The following ATP6V1E1 variants were observed in gnomAD, a reference collection of about 807,000 sequenced individuals.
ATP6V1E1 encodes the protein ATPase H+ transporting V1 subunit E1, also known as V-type proton ATPase subunit E 1.
In ATP6V1E1, 21 loss-of-function variants were observed where a neutral mutation model predicts 35.2. The ratio of observed to expected loss-of-function variants is 0.60; its 90% confidence interval spans 0.42 to 0.86. ATP6V1E1 has a LOEUF of 0.86. ATP6V1E1 is among the 40% of genes least tolerant of loss of function. The pLI, the probability that ATP6V1E1 is intolerant of heterozygous loss-of-function variation, is 0.00. For synonymous variants in ATP6V1E1, 83 were observed against 87.8 expected, an observed-to-expected ratio of 0.95 and a Z score of 0.30; for missense variants, 183 against 272.6, an observed-to-expected ratio of 0.67 and a Z score of 2.32.
At chr22:17,594,693 A>T in intron 7 of ATP6V1E1, 77 bp from the exon 8 acceptor site, 2 of 1,235,348 alleles carry the variant, frequency 1.6e-6, no homozygotes, top group Non-Finnish European at 2.2e-6. Context: ...ACTCCCGCAG[A>T]GGAATGCCCT....
In ATP6V1E1 at chr22:17,592,173, CA is replaced by C. The variant is rs1351255962; in HGVS notation, c.*500del. 6.5e-6 allele frequency: 1 copy of C among 154,208 alleles called. No homozygotes were observed. The highest frequency in any genetic ancestry group is 1.4e-5 in the Non-Finnish European group (1 of 69,248). 9.6% of individuals were successfully genotyped at this position (154,208 alleles called of 1,614,324 possible). On this transcript the variant is annotated 3_prime_UTR_variant, in exon 9 of 9. Coordinates refer to ENST00000253413, the MANE Select transcript of ATP6V1E1 (RefSeq NM_001696.4). Reference sequence around the variant, plus strand: ...TACACTAGAAATCACATTAAATCCGCATAACTCTTTTAATAAATAAAGCATA... The same window carrying C: ...TACACTAGAAATCACATTAAATCCGCTAACTCTTTTAATAAATAAAGCATA...
chr22:17,628,733 G>C lies in ATP6V1E1; in HGVS notation c.-98C>G, dbSNP rs11544403. 44 of 1,540,716 alleles carry C rather than the reference G, an allele frequency of 2.9e-5. No individual in the cohort carries two copies. The East Asian group carries it at 9.7e-4, about 34-fold the overall frequency. Reference sequence around the variant, plus strand: ...CAAAGGGAACCCCTGCGCAGATCTCGGGTTCCTTTACTTTATAACCGCGGG... The same window carrying C: ...CAAAGGGAACCCCTGCGCAGATCTCCGGTTCCTTTACTTTATAACCGCGGG... On this transcript the variant is annotated 5_prime_UTR_variant, in exon 1 of 9. Coordinates refer to ENST00000253413, the MANE Select transcript of ATP6V1E1 (RefSeq NM_001696.4).
At chr22:17,596,395 G>A (rs901011564) in intron 7 of ATP6V1E1, among the ~76,000 whole-genome samples, 3 of 152,140 alleles carry the variant, frequency 2.0e-5, no homozygotes, top group African/African-American at 7.2e-5. Context: ...TGTGAGCAGA[G>A]GGTGGGCTGG....
At chr22:17,594,212 AC>A (rs1050450155) in intron 8 of ATP6V1E1, among the ~76,000 whole-genome samples, 2 of 152,120 alleles carry the variant, frequency 1.3e-5, no homozygotes, top group Non-Finnish European at 2.9e-5. Flanking sequence ...GCAAAACAAA[AC>A]AAAAAAACAC....
chr22:17,613,257 C>A lies in ATP6V1E1; in HGVS notation c.163G>T (p.Glu55Ter). 1 of 1,613,034 alleles carries A rather than the reference C, an allele frequency of 6.2e-7. No homozygotes were observed. Among genetic ancestry groups the A allele is most frequent in the East Asian group, 2.2e-5 (1 of 44,866 alleles). ...TGTTTCTCTTTCTTCTCATAATATT[C>A]CATAATCTTTAGTCTTTGGGTTTGC... ...LVQTQRLKIM[E>*]YYEKKEKQIE... Residue 55 changes from glutamate to a stop codon, truncating the protein, a stop_gained, in exon 3 of 9, where the codon GAA becomes TAA. Coordinates refer to ENST00000253413, the MANE Select transcript of ATP6V1E1 (RefSeq NM_001696.4). LOFTEE classifies it high-confidence loss of function.
intron 6 of ATP6V1E1, among the ~76,000 whole-genome samples, chr22:17,599,699 C>T (rs1449733023): frequency 3.4e-5 from 5 of 148,570 alleles, no homozygotes; most frequent in Non-Finnish European, 7.4e-5. Context: ...GCGGGTGGAT[C>T]ACCTGAGGTC....
intron 1 of ATP6V1E1, among the ~76,000 whole-genome samples, chr22:17,626,274 C>T (rs1489273655): frequency 7.4e-6 from 1 of 135,636 alleles, no homozygotes; most frequent in Non-Finnish European, 1.5e-5. Flanking sequence ...TGCCACTGCA[C>T]TCCAGCCTGG....
At chr22:17,617,583 C>T (rs533620935) in intron 2 of ATP6V1E1, among the ~76,000 whole-genome samples, 2 of 151,966 alleles carry the variant, frequency 1.3e-5, no homozygotes, top group Admixed American at 6.6e-5. Context: ...TGTGAGCCAC[C>T]GCCCCGGCCA....
In ATP6V1E1 at chr22:17,594,537, CTA is replaced by C; in HGVS notation, c.608_609del (p.Ile203SerfsTer53). 6.3e-7 allele frequency: 1 copy of C among 1,586,344 alleles called. No individual in the cohort carries two copies. Among genetic ancestry groups the C allele is most frequent in the Non-Finnish European group, 8.6e-7 (1 of 1,166,402 alleles). Reference protein sequence around the residue: ...SNTLESRLDLIAQQMMPEVRG... With the variant: ...SNTLESRLDLXAQQMMPEVRG... ...AGTACCCCCACACTCACCTGCTGGGCTATGAGATCCAGCCGGCTTTCCAGGGT... is the reference window on the plus strand; with the variant it reads ...AGTACCCCCACACTCACCTGCTGGGCTGAGATCCAGCCGGCTTTCCAGGGT... On this transcript the variant is annotated frameshift_variant, in exon 8 of 9. Transcript: ENST00000253413. LOFTEE classifies it high-confidence loss of function.
intron 1 of ATP6V1E1, among the ~76,000 whole-genome samples, chr22:17,627,851 C>T (rs892468249): frequency 1.3e-5 from 2 of 149,532 alleles, no homozygotes; most frequent in Non-Finnish European, 3.0e-5. Flanking sequence ...GAAAAAAACA[C>T]AGTTCATAAA....
chr22:17,594,620 CA>C lies in ATP6V1E1; in HGVS notation c.531-5del, dbSNP rs35683311. The C allele has an allele frequency of 0.32, 422,654 of 1,338,780 alleles. 61,966 individuals carry two copies. The highest frequency in any genetic ancestry group is 0.72 in the African/African-American group (49,512 of 68,442). The allele number at this position is 1,338,780 out of a possible 1,614,324, so 82.9% of individuals were successfully genotyped here. A position where few individuals can be genotyped will look rare whatever the true frequency, so the allele number is the denominator to read the frequency against. ...ATAGATCTCAACTCCACCAGCTCTG[CA>C]AAAAAAAAAGCACAGGAAATAATCA... is the stretch of plus-strand genomic sequence containing the variant. On this transcript the variant is annotated splice_polypyrimidine_tract_variant and splice_region_variant and intron_variant, in intron 7 of 8. Transcript: ENST00000253413.
intron 4 of ATP6V1E1, among the ~76,000 whole-genome samples, chr22:17,610,334 G>C (rs2057809198): frequency 6.6e-6 from 1 of 152,098 alleles, no homozygotes; most frequent in African/African-American, 2.4e-5. Context: ...AAAATTACAA[G>C]TCAAGTCAAA....
In ATP6V1E1 at chr22:17,592,614, A is replaced by G; in HGVS notation, c.*60T>C. 2 of 1,528,910 alleles carry G rather than the reference A, an allele frequency of 1.3e-6. No individual in the cohort carries two copies. Among genetic ancestry groups the G allele is most frequent in the Non-Finnish European group, 9.1e-7 (1 of 1,103,022 alleles). 94.7% of individuals were successfully genotyped at this position (1,528,910 alleles called of 1,614,324 possible). A position where few individuals can be genotyped will look rare whatever the true frequency, so the allele number is the denominator to read the frequency against. On this transcript the variant is annotated 3_prime_UTR_variant, in exon 9 of 9. Coordinates refer to ENST00000253413, the MANE Select transcript of ATP6V1E1 (RefSeq NM_001696.4). ...TACAGAGACATTCGTGTTTCTTCAAATATCAGAAGCTTCCACATCACAGCA... is the reference window on the plus strand; with the variant it reads ...TACAGAGACATTCGTGTTTCTTCAAGTATCAGAAGCTTCCACATCACAGCA...
chr22:17,595,942 A>G (rs1199586900), intron 7 of ATP6V1E1, among the ~76,000 whole-genome samples: 1 of 151,954 alleles, frequency 6.6e-6, no homozygotes, highest in Non-Finnish European at 1.5e-5. Flanking sequence ...AATCCTGGCT[A>G]ACAAGGTGAA....
chr22:17,609,071 C>T (rs551479373), intron 4 of ATP6V1E1, among the ~76,000 whole-genome samples: 218 of 151,768 alleles, frequency 1.4e-3, no homozygotes, highest in African/African-American at 5.1e-3. Context: ...CCAGCCTGGG[C>T]GATAGAGCGA....
intron 6 of ATP6V1E1, among the ~76,000 whole-genome samples, chr22:17,599,304 C>T (rs12168721): frequency 0.087 from 13,099 of 150,886 alleles, 1,916 homozygotes; most frequent in African/African-American, 0.3. Flanking sequence ...AGGCAGGGCA[C>T]GGTGGCTCGC....
At position 17,600,014 on chromosome 22, in the gene ATP6V1E1, C is replaced by T. The variant is rs1325751949; in HGVS notation, c.435+13G>A. On this transcript the variant is annotated intron_variant, in intron 6 of 8. Transcript: ENST00000253413. ...GGAGGGAGGGAGGGAAAAAATTATC[C>T]TAAGTTCTTTACCTTTACCAGAGGG... is the stretch of plus-strand genomic sequence containing the variant. 8.7e-6 allele frequency: 14 copies of T among 1,608,586 alleles called. No homozygotes were observed. The Admixed American group carries it at 2.2e-4, about 25-fold the overall frequency.
chr22:17,620,780 C>T (rs556977059), intron 1 of ATP6V1E1, among the ~76,000 whole-genome samples: 1 of 152,200 alleles, frequency 6.6e-6, no homozygotes, highest in South Asian at 2.1e-4. Flanking sequence ...TAGTTCTTTA[C>T]CGGCCGGGCA....
chr22:17,605,079 T>TG (rs1214452606), intron 4 of ATP6V1E1, among the ~76,000 whole-genome samples: 1 of 146,696 alleles, frequency 6.8e-6, no homozygotes, highest in Non-Finnish European at 1.5e-5. Context: ...TAGTAGGGCA[T>TG]GGTGAATCCC....
Sources: gnomAD v4.1 joint callset for allele counts (sites outside exome capture counted in the v4.1 genomes callset) on GRCh38, gnomAD v4.1.1 for gene constraint, MANE v1.5 for transcripts, NCBI Gene and HGNC (gene_info 2026-07-23, HGNC 2026-07-21) for gene names.